Variants in MTUS1 observed in about 807,000 individuals in gnomAD.
MTUS1 encodes microtubule-associated tumor suppressor 1.
Under a neutral mutation model 120.8 loss-of-function variants are expected in MTUS1, and 109 were observed. That is an observed-to-expected ratio of 0.90 (90% CI 0.77 to 1.06). The LOEUF is 1.06. Among genes scored for constraint, MTUS1 ranks in the 50% least tolerant of loss-of-function variants. The pLI is 0.00. For missense variants in MTUS1, 2,210 were observed against 1,486.3 expected (o/e 1.49, Z -8.01); for synonymous variants, 737 against 550.5 (o/e 1.34, Z -4.74).
upstream of MTUS1, chr8:17,801,204 C>T (rs1296110976): frequency 6.6e-6 from 1 of 151,694 alleles, no homozygotes; most frequent in East Asian, 2.0e-4. Context: ...GGCGCGGCAC[C>T]ACCCCACGCC....
chr8:17,675,707 C>T (rs1016228937), intron 7 of MTUS1, among the ~76,000 whole-genome samples: 1 of 152,092 alleles, frequency 6.6e-6, no homozygotes, highest in African/African-American at 2.4e-5. Context: ...CGTTACAATG[C>T]CAATCCTTCT....
In MTUS1 at chr8:17,765,207, G is replaced by A. The variant is rs1282272102; in HGVS notation, c.-154-9246C>T. Among the ~76,000 whole-genome samples the A allele has an allele frequency of 2.6e-5, 4 of 152,162 alleles. No homozygotes were observed. In the South Asian group the frequency reaches 6.2e-4, roughly 24 times the overall value. On this transcript the variant is annotated intron_variant, in intron 1 of 14. Transcript: ENST00000693296. ...GTGGAGCTCAGGCACTAATGCAAGC[G>A]ATGGGGAGTGGCTGTGAACACAGAC...
At chr8:17,709,975 C>A (rs1820961338) in intron 6 of MTUS1, among the ~76,000 whole-genome samples, 2 of 151,546 alleles carry the variant, frequency 1.3e-5, no homozygotes, top group Non-Finnish European at 1.5e-5. Context: ...CCACTGCACT[C>A]CAGCCTGGGC....
intron 2 of MTUS1, among the ~76,000 whole-genome samples, chr8:17,746,934 GGC>G (rs796214849): frequency 7.9e-5 from 12 of 152,152 alleles, no homozygotes; most frequent in African/African-American, 2.9e-4. Context: ...AACATACCCA[GGC>G]ACCCAACTTC....
intron 2 of MTUS1, among the ~76,000 whole-genome samples, chr8:17,745,328 C>T (rs1227325393): frequency 6.6e-6 from 1 of 152,192 alleles, no homozygotes; most frequent in African/African-American, 2.4e-5. Context: ...TGTACATCCT[C>T]CCATATACTG....
chr8:17,717,092 C>T (rs549245078), intron 4 of MTUS1, among the ~76,000 whole-genome samples: 4 of 152,316 alleles, frequency 2.6e-5, no homozygotes, highest in African/African-American at 9.6e-5. Flanking sequence ...ACATCACATT[C>T]AAACTTTGTA....
At chr8:17,656,420 C>T (rs1314242688) in intron 8 of MTUS1, among the ~76,000 whole-genome samples, 4 of 151,526 alleles carry the variant, frequency 2.6e-5, no homozygotes, top group African/African-American at 4.9e-5. Flanking sequence ...CCCAGCTACT[C>T]GGGAGGGTGA....
chr8:17,774,969 A>G (rs1181451048), intron 1 of MTUS1, among the ~76,000 whole-genome samples: 3 of 91,550 alleles, frequency 3.3e-5, no homozygotes, highest in Non-Finnish European at 7.0e-5. Context: ...AAATATTATA[A>G]GTAAAAAAAA....
At chr8:17,675,813 C>T (rs1346149209) in intron 7 of MTUS1, among the ~76,000 whole-genome samples, 1 of 152,120 alleles carries the variant, frequency 6.6e-6, no homozygotes, top group Non-Finnish European at 1.5e-5. Context: ...ATACCATTTT[C>T]TAAGGATTAT....
intron 1 of MTUS1, among the ~76,000 whole-genome samples, chr8:17,766,360 C>T (rs2049485777): frequency 6.6e-6 from 1 of 152,152 alleles, no homozygotes; most frequent in South Asian, 2.1e-4. Context: ...CCCACTCATG[C>T]CAAAGGCCAC....
chr8:17,709,725 T>C (rs1820891924), intron 6 of MTUS1, among the ~76,000 whole-genome samples: 1 of 152,074 alleles, frequency 6.6e-6, no homozygotes, highest in Non-Finnish European at 1.5e-5. Flanking sequence ...TATACCTTAA[T>C]TTGCCAGGCG....
At chr8:17,666,001 G>A (rs1810817707) in intron 8 of MTUS1, among the ~76,000 whole-genome samples, 2 of 150,772 alleles carry the variant, frequency 1.3e-5, no homozygotes, top group Admixed American at 6.6e-5. Flanking sequence ...CCCTGCCAGT[G>A]TTCCTCCTCC....
At chr8:17,697,791 A>T in intron 6 of MTUS1, 1 of 946,608 alleles carries the variant, frequency 1.1e-6, no homozygotes, top group Non-Finnish European at 1.3e-6. Context: ...CACTTGAAAG[A>T]TCGCTAGGGG....
At chr8:17,753,088 A>G (rs2048318417) in intron 2 of MTUS1, among the ~76,000 whole-genome samples, 2 of 152,282 alleles carry the variant, frequency 1.3e-5, no homozygotes, top group South Asian at 4.1e-4. Flanking sequence ...TAAGTAAAAG[A>G]TTTTATTTTA....
At chr8:17,660,741 A>T (rs1277853751) in intron 8 of MTUS1, among the ~76,000 whole-genome samples, 7 of 152,208 alleles carry the variant, frequency 4.6e-5, no homozygotes, top group Non-Finnish European at 1.5e-5. Flanking sequence ...CCTAATGAGT[A>T]CATCACTGTG....
rs1468751473 is a variant in MTUS1 at position 17,755,024 on chromosome 8, T to G, written c.784A>C (p.Asn262His). ...QSEVFVSDIG[N>H]QCACSSGKVT... ...TTTCCTGAAGAACATGCACACTGAT[T>G]TCCAATATCTGAAACAAAAACCTCA... The change falls in exon 2 of 15, where the codon AAT (asparagine) becomes CAT (histidine). Residue 262 changes from asparagine to histidine, a missense_variant. By Grantham distance (68) the Asn-to-His change is moderately conservative (BLOSUM62 1). Coordinates refer to ENST00000693296, the MANE Select transcript of MTUS1 (RefSeq NM_001363059.2). 5.6e-6 allele frequency: 9 copies of G among 1,614,014 alleles called. 1 individual carries two copies. The South Asian group carries it at 9.9e-5, about 18-fold the overall frequency.
intron 4 of MTUS1, chr8:17,721,806 C>T (rs370203298): frequency 1.2e-6 from 2 of 1,614,038 alleles, no homozygotes; most frequent in African/African-American, 2.7e-5. Flanking sequence ...CATAGTGCCT[C>T]TCTGAACCAG....
intron 1 of MTUS1, among the ~76,000 whole-genome samples, chr8:17,799,677 T>C (rs926969063): frequency 6.6e-6 from 1 of 152,162 alleles, no homozygotes; most frequent in African/African-American, 2.4e-5. Flanking sequence ...CTCCAAAATG[T>C]AACCTTGACT....
At chr8:17,665,451 G>GT (rs1810685642) in intron 8 of MTUS1, among the ~76,000 whole-genome samples, 1 of 152,102 alleles carries the variant, frequency 6.6e-6, no homozygotes, top group African/African-American at 2.4e-5. Context: ...AATAAAATAG[G>GT]TATTATCAGA....
Sources: allele counts gnomAD v4.1 joint callset (sites outside exome capture counted in the v4.1 genomes callset), GRCh38; gene constraint gnomAD v4.1.1; transcripts MANE v1.5; gene names NCBI Gene and HGNC (gene_info 2026-07-23, HGNC 2026-07-21).